The following PRIM2 variants were observed in gnomAD, a reference collection of about 807,000 sequenced individuals.
PRIM2 encodes DNA primase large subunit.
PRIM2 carries 39 observed loss-of-function variants against 67.3 expected under a neutral mutation model. The observed-to-expected ratio is 0.58, with a 90% confidence interval of 0.45 to 0.76. PRIM2 has a LOEUF of 0.76. PRIM2 is among the 30% of genes least tolerant of loss of function. The pLI is 0.00. For synonymous variants in PRIM2, 143 were observed against 198.7 expected, an observed-to-expected ratio of 0.72 and a Z score of 2.36; for missense variants, 398 against 598.7, an observed-to-expected ratio of 0.66 and a Z score of 3.50.
Position 57,512,784 on chromosome 6 carries a change from A to G in PRIM2, c.761+5330A>G, listed in dbSNP as rs1554347833. Among the ~76,000 whole-genome samples, 16 of 152,036 alleles carry G rather than the reference A, an allele frequency of 1.1e-4. No individual in the cohort carries two copies. The East Asian group carries it at 1.4e-3, about 13-fold the overall frequency. ...AATAAATTTTTTATTTTTAGTAGGG[A>G]TGGGGTTTCATCATGTTGGCCAGAC... is the stretch of plus-strand genomic sequence containing the variant. On this transcript the variant is annotated intron_variant, in intron 8 of 13. Coordinates refer to ENST00000615550, the MANE Select transcript of PRIM2 (RefSeq NM_000947.5).
chr6:57,345,180 A>G (rs1768629275), intron 5 of PRIM2, among the ~76,000 whole-genome samples: 1 of 151,318 alleles, frequency 6.6e-6, no homozygotes, highest in East Asian at 1.9e-4. Context: ...TTTTTTTGAG[A>G]CAGGGTTTCA....
At chr6:57,576,999 A>G (rs1223189985) in intron 10 of PRIM2, among the ~76,000 whole-genome samples, 1 of 152,046 alleles carries the variant, frequency 6.6e-6, no homozygotes, top group Non-Finnish European at 1.5e-5. Context: ...AGTAAATACA[A>G]ATGACTTTAT....
At chr6:57,561,818 A>G (rs1456779701) in intron 10 of PRIM2, among the ~76,000 whole-genome samples, 6 of 152,226 alleles carry the variant, frequency 3.9e-5, no homozygotes, top group African/African-American at 1.4e-4. Context: ...CTTTCGGCCT[A>G]TCTCACTTAA....
At chr6:57,573,882 T>G (rs1252308432) in intron 10 of PRIM2, among the ~76,000 whole-genome samples, 2 of 152,180 alleles carry the variant, frequency 1.3e-5, no homozygotes, top group African/African-American at 4.8e-5. Flanking sequence ...AAAATTGAAC[T>G]TCAGGACTTT....
chr6:57,527,024 G>A (rs1173551967), intron 8 of PRIM2, among the ~76,000 whole-genome samples: 2 of 152,178 alleles, frequency 1.3e-5, no homozygotes, highest in Non-Finnish European at 2.9e-5. Context: ...CTACCTGTTA[G>A]GATTCTCCTT....
chr6:57,490,193 A>T (rs1773856703), intron 7 of PRIM2, among the ~76,000 whole-genome samples: 1 of 152,128 alleles, frequency 6.6e-6, no homozygotes, highest in Non-Finnish European at 1.5e-5. Context: ...TGGGACTTTA[A>T]AGGCTAATCC....
At chr6:57,614,740 C>T (rs1776724058) in intron 12 of PRIM2, among the ~76,000 whole-genome samples, 1 of 152,220 alleles carries the variant, frequency 6.6e-6, no homozygotes, top group Non-Finnish European at 1.5e-5. Context: ...GTCCCAGCTA[C>T]TTGGGAGGCT....
chr6:57,443,652 A>C (rs1413087727), intron 7 of PRIM2, among the ~76,000 whole-genome samples: 2 of 151,762 alleles, frequency 1.3e-5, no homozygotes, highest in African/African-American at 4.8e-5. Flanking sequence ...CTTCTTATGC[A>C]TTTTGGATGT....
At chr6:57,624,612 C>G (rs1403747949) in intron 12 of PRIM2, among the ~76,000 whole-genome samples, 1 of 152,058 alleles carries the variant, frequency 6.6e-6, no homozygotes, top group Non-Finnish European at 1.5e-5. Flanking sequence ...AGGAGTTTCC[C>G]CTGTGCCTAA....
At chr6:57,351,614 G>A (rs1296693277) in intron 5 of PRIM2, among the ~76,000 whole-genome samples, 2 of 151,966 alleles carry the variant, frequency 1.3e-5, no homozygotes, top group East Asian at 3.9e-4. Flanking sequence ...GAGGACAAGA[G>A]TAGTGTAATG....
chr6:57,462,588 G>T (rs1482132127), intron 7 of PRIM2, among the ~76,000 whole-genome samples: 1 of 152,198 alleles, frequency 6.6e-6, no homozygotes, highest in Non-Finnish European at 1.5e-5. Flanking sequence ...TTGGTTCTTT[G>T]TGATCTGGCT....
At chr6:57,375,463 G>T (rs1769730107) in intron 5 of PRIM2, among the ~76,000 whole-genome samples, 1 of 152,184 alleles carries the variant, frequency 6.6e-6, no homozygotes, top group African/African-American at 2.4e-5. Context: ...GCTGGATTCG[G>T]TTTACAAGTA....
intron 12 of PRIM2, among the ~76,000 whole-genome samples, chr6:57,607,382 A>G (rs1191294672): frequency 6.3e-4 from 96 of 152,254 alleles, no homozygotes; most frequent in Admixed American, 2.1e-3. Flanking sequence ...AAAAAAAAAC[A>G]TAAACCAAGT....
chr6:57,418,793 C>T (rs9475936), intron 7 of PRIM2, among the ~76,000 whole-genome samples: 11,481 of 152,136 alleles, frequency 0.075, 1,376 homozygotes, highest in African/African-American at 0.26. Flanking sequence ...TAGGAAATAG[C>T]TTTCATGTTT....
chr6:57,281,004 T>C, the PRIM2 span, among the ~76,000 whole-genome samples: 1 of 152,178 alleles, frequency 6.6e-6, no homozygotes, highest in Non-Finnish European at 1.5e-5. Context: ...TGAGATCCAC[T>C]TTTTTAGCTC....
chr6:57,440,009 G>A (rs1772152508), intron 7 of PRIM2, among the ~76,000 whole-genome samples: 1 of 151,270 alleles, frequency 6.6e-6, no homozygotes, highest in African/African-American at 2.4e-5. Context: ...GCGTTTTTCT[G>A]TTGACTAGAG....
intron 12 of PRIM2, among the ~76,000 whole-genome samples, chr6:57,629,276 AG>A (rs1360841032): frequency 6.6e-6 from 1 of 152,204 alleles, no homozygotes; most frequent in Non-Finnish European, 1.5e-5. Context: ...CCTAACTCTA[AG>A]AGACATGAGG....
At chr6:57,643,025 A>G (rs1374286240) in intron 13 of PRIM2, among the ~76,000 whole-genome samples, 1 of 151,954 alleles carries the variant, frequency 6.6e-6, no homozygotes, top group Admixed American at 6.6e-5. Context: ...TTTAGATTTC[A>G]TAGAACAATT....
At chr6:57,453,401 A>T (rs945652677) in intron 7 of PRIM2, among the ~76,000 whole-genome samples, 1 of 152,072 alleles carries the variant, frequency 6.6e-6, no homozygotes, top group East Asian at 1.9e-4. Flanking sequence ...CACAATATTG[A>T]TTCTTCCTAT....
Sources: gnomAD v4.1 joint callset for allele counts (sites outside exome capture counted in the v4.1 genomes callset) on GRCh38, gnomAD v4.1.1 for gene constraint, MANE v1.5 for transcripts, NCBI Gene and HGNC (gene_info 2026-07-23, HGNC 2026-07-21) for gene names.